The following LAMP3 variants were observed in gnomAD, a reference collection of about 807,000 sequenced individuals.
LAMP3 encodes the protein lysosome associated membrane protein 3.
Under a neutral mutation model 34.8 loss-of-function variants are expected in LAMP3, and 26 were observed. The ratio of observed to expected loss-of-function variants is 0.75; its 90% CI spans 0.55 to 1.04. LAMP3 has a LOEUF of 1.04. LAMP3 is among the 50% of genes least tolerant of loss of function. LAMP3 has a pLI of 0.00. For synonymous variants in LAMP3, 180 were observed against 201.9 expected, an observed-to-expected ratio of 0.89 and a Z score of 0.92; for missense variants, 495 against 524.0, an observed-to-expected ratio of 0.94 and a Z score of 0.54.
At chr3:183,162,823 C>T (rs1721019324), upstream of LAMP3, 9 of 620,210 alleles carry the variant, frequency 1.5e-5, no homozygotes, top group South Asian at 1.5e-4. Context: ...CGCCGGCCCC[C>T]TCCTACCCCT....
intron 3 of LAMP3, 39 bp downstream of exon 3, chr3:183,152,336 G>A (rs376726314): frequency 5.1e-6 from 8 of 1,561,230 alleles, no homozygotes; most frequent in Non-Finnish European, 6.9e-6. Context: ...AGGGAAAGCT[G>A]TACCAGATGC....
intron 5 of LAMP3, chr3:183,132,105 G>A (rs1053956992): frequency 4.4e-5 from 43 of 985,084 alleles, no homozygotes; most frequent in African/African-American, 5.2e-5. Context: ...CGACAAACCC[G>A]GAAAAAAGTA....
chr3:183,159,197 A>G (rs1379176821), intron 1 of LAMP3, among the ~76,000 whole-genome samples: 1 of 152,224 alleles, frequency 6.6e-6, no homozygotes, highest in Non-Finnish European at 1.5e-5. Context: ...CCGACTGACA[A>G]GTGTCTTTAT....
At chr3:183,158,929 C>T (rs1481214805) in intron 1 of LAMP3, among the ~76,000 whole-genome samples, 1 of 151,192 alleles carries the variant, frequency 6.6e-6, no homozygotes, top group Non-Finnish European at 1.5e-5. Flanking sequence ...GACAGGGTCT[C>T]ACTCTGTCAC....
At chr3:183,149,032 A>G (rs182494532) in intron 3 of LAMP3, among the ~76,000 whole-genome samples, 134 of 152,322 alleles carry the variant, frequency 8.8e-4, no homozygotes, top group African/African-American at 2.2e-3. Flanking sequence ...AGATCCAGTC[A>G]TCTGTAACAA....
intron 1 of LAMP3, chr3:183,158,229 T>C (rs909488501): frequency 3.9e-5 from 6 of 152,174 alleles, no homozygotes; most frequent in Non-Finnish European, 7.4e-5. Flanking sequence ...TACTCTATAA[T>C]GTATATGACC....
At chr3:183,145,157 G>T (rs975896467) in intron 3 of LAMP3, among the ~76,000 whole-genome samples, 1 of 152,204 alleles carries the variant, frequency 6.6e-6, no homozygotes, top group Non-Finnish European at 1.5e-5. Context: ...TTGTAGGGAG[G>T]TGTGGGGAGA....
upstream of LAMP3, chr3:183,162,754 C>T (rs1721017623): frequency 8.5e-7 from 1 of 1,169,924 alleles, no homozygotes; most frequent in Non-Finnish European, 1.2e-6. Flanking sequence ...ACGAAACCAC[C>T]TGCTTATGAG....
At chr3:183,128,507 C>T (rs1719837439) in intron 5 of LAMP3, among the ~76,000 whole-genome samples, 1 of 152,124 alleles carries the variant, frequency 6.6e-6, no homozygotes, top group Non-Finnish European at 1.5e-5. Flanking sequence ...GGACCCTTGG[C>T]TTGTTTTCAT....
Position 183,134,177 on chromosome 3 carries a change from G to A in LAMP3, c.1117+1540C>T, listed in dbSNP as rs570184992. On this transcript the variant is annotated intron_variant, in intron 5 of 5. Transcript: ENST00000265598. ...ATGGCGTTGAGTTGATACGGTGACAGTGGGAGAACAAGGGGAACATTTTGG... is the reference window on the plus strand; with the variant it reads ...ATGGCGTTGAGTTGATACGGTGACAATGGGAGAACAAGGGGAACATTTTGG... Among the ~76,000 whole-genome samples, 22 of 152,314 alleles carry A rather than the reference G, an allele frequency of 1.4e-4. No homozygotes were observed. The South Asian group carries it at 4.3e-3, about 30-fold the overall frequency.
intron 5 of LAMP3, among the ~76,000 whole-genome samples, chr3:183,128,558 T>C (rs1419811415): frequency 6.6e-6 from 1 of 152,222 alleles, no homozygotes; most frequent in Non-Finnish European, 1.5e-5. Context: ...AATAACCACG[T>C]ACAAATATCA....
At position 183,133,275 on chromosome 3, in the gene LAMP3, A is replaced by T. The variant is rs116204488; in HGVS notation, c.1117+2442T>A. Among the ~76,000 whole-genome samples the T allele has an allele frequency of 6.5e-3, 984 of 152,296 alleles. 9 individuals carry two copies. Among genetic ancestry groups the T allele is most frequent in the African/African-American group, 0.022 (922 of 41,554 alleles). On this transcript the variant is annotated intron_variant, in intron 5 of 5. Coordinates refer to ENST00000265598, the MANE Select transcript of LAMP3 (RefSeq NM_014398.4). Reference sequence around the variant, plus strand: ...TCCAGGCAGATCCAACTTTGAGAAAATGCTAGTTTGGCCTAGAGGGTTGTG... The same window carrying T: ...TCCAGGCAGATCCAACTTTGAGAAATTGCTAGTTTGGCCTAGAGGGTTGTG...
chr3:183,149,852 T>A (rs1344327860), intron 3 of LAMP3, among the ~76,000 whole-genome samples: 2 of 151,876 alleles, frequency 1.3e-5, no homozygotes, highest in African/African-American at 2.4e-5. Context: ...ACACCTACTA[T>A]GTACCCACAA....
chr3:183,151,657 A>G (rs1339354144), intron 3 of LAMP3, among the ~76,000 whole-genome samples: 1 of 151,598 alleles, frequency 6.6e-6, no homozygotes, highest in Non-Finnish European at 1.5e-5. Context: ...CGAACTCCTG[A>G]CCTCAGGTGA....
At chr3:183,126,616 CTA>C (rs1321782832) in intron 5 of LAMP3, among the ~76,000 whole-genome samples, 2 of 151,726 alleles carry the variant, frequency 1.3e-5, no homozygotes, top group Non-Finnish European at 1.5e-5. Context: ...CAAAATCACT[CTA>C]TTTTAAATAG....
chr3:183,133,188 C>G (rs1346246906), intron 5 of LAMP3, among the ~76,000 whole-genome samples: 1 of 152,188 alleles, frequency 6.6e-6, no homozygotes, highest in Admixed American at 6.5e-5. Flanking sequence ...TGCCCAGACA[C>G]ATGCCCAAGA....
intron 5 of LAMP3, among the ~76,000 whole-genome samples, chr3:183,124,893 A>T (rs933325007): frequency 1.3e-5 from 2 of 152,204 alleles, no homozygotes; most frequent in African/African-American, 2.4e-5. Context: ...ATTACAGATG[A>T]TCTCTTGAGA....
chr3:183,150,571 T>TC, intron 3 of LAMP3, among the ~76,000 whole-genome samples: 1 of 145,218 alleles, frequency 6.9e-6, no homozygotes. Context: ...GTGACTTTTT[T>TC]TTTTTTTTTT....
At chr3:183,152,274 A>G in intron 3 of LAMP3, 101 bp downstream of exon 3, 1 of 1,268,496 alleles carries the variant, frequency 7.9e-7, no homozygotes, top group Non-Finnish European at 1.1e-6. Context: ...TTATCAGCAA[A>G]GATCTCAAAC....
Sources: gnomAD v4.1 joint callset for allele counts (sites outside exome capture counted in the v4.1 genomes callset) on GRCh38, gnomAD v4.1.1 for gene constraint, MANE v1.5 for transcripts, NCBI Gene and HGNC (gene_info 2026-07-23, HGNC 2026-07-21) for gene names.